STRBP: variants seen among roughly 807,000 people sequenced by gnomAD.
The protein encoded by STRBP is spermatid perinuclear RNA-binding protein.
STRBP carries 13 observed loss-of-function variants against 80.1 expected under a neutral mutation model. The observed-to-expected ratio is 0.16, with a 90% CI of 0.11 to 0.26. The LOEUF (loss-of-function observed/expected upper bound fraction) is 0.26. Ranked by LOEUF, STRBP falls within the 10% of genes least tolerant of loss-of-function variation. The pLI is 1.00. For synonymous variants in STRBP, 284 were observed against 291.2 expected, an observed-to-expected ratio of 0.98 and a Z score of 0.25; for missense variants, 485 against 815.2, an observed-to-expected ratio of 0.59 and a Z score of 4.93.
intron 3 of STRBP, among the ~76,000 whole-genome samples, chr9:123,180,514 T>G (rs1211906444): frequency 6.6e-6 from 1 of 152,146 alleles, no homozygotes; most frequent in Non-Finnish European, 1.5e-5. Flanking sequence ...CAGGATTGAT[T>G]TACTTAAATC....
intron 2 of STRBP, among the ~76,000 whole-genome samples, chr9:123,211,504 A>C (rs77278746): frequency 6.6e-6 from 1 of 152,072 alleles, no homozygotes; most frequent in African/African-American, 2.4e-5. Context: ...TTTTTCCCCA[A>C]TGGTGGATAA....
At chr9:123,212,597 C>T (rs1356961462) in intron 2 of STRBP, 1 of 152,152 alleles carries the variant, frequency 6.6e-6, no homozygotes, top group African/African-American at 2.4e-5. Context: ...GTCAAACATT[C>T]CCAGATGTCC....
intron 2 of STRBP, among the ~76,000 whole-genome samples, chr9:123,235,770 T>C (rs749980004): frequency 1.3e-5 from 2 of 152,094 alleles, no homozygotes; most frequent in Non-Finnish European, 2.9e-5. Flanking sequence ...GTTATTTCTA[T>C]CTATTAAAAT....
At position 123,115,159 on chromosome 9, in the gene STRBP, G is replaced by A. The variant is rs768045991; in HGVS notation, c.*84+770C>T. ...CCACTTGACTCTGCTCATCCTCTCGGGTCCCACAGCAAGGCCCTTCACACT... is the reference window on the plus strand; with the variant it reads ...CCACTTGACTCTGCTCATCCTCTCGAGTCCCACAGCAAGGCCCTTCACACT... On this transcript the variant is annotated intron_variant and NMD_transcript_variant, in intron 3 of 3. Coordinates refer to the STRBP transcript ENST00000471564. This position sits in a 1 kb window ranked among gnomAD's most constrained non-coding sequence, Gnocchi z 5.0. 5 of 465,718 alleles carry A rather than the reference G, an allele frequency of 1.1e-5. No homozygotes were observed. The highest frequency in any genetic ancestry group is 7.8e-5 in the South Asian group (5 of 64,112). The allele number at this position is 465,718 out of a possible 1,614,324, so 28.8% of individuals were successfully genotyped here. A position where few individuals can be genotyped will look rare whatever the true frequency, so the allele number is the denominator to read the frequency against.
intron 2 of STRBP, among the ~76,000 whole-genome samples, chr9:123,212,240 C>T (rs1454868221): frequency 6.6e-6 from 1 of 152,008 alleles, no homozygotes; most frequent in African/African-American, 2.4e-5. Flanking sequence ...TTTCAATTAC[C>T]GCATTTTGTC....
intron 3 of STRBP, chr9:123,113,281 ACACCCCTGAGCCTGGCCCTC>A (rs1281931488): frequency 1.2e-5 from 2 of 167,340 alleles, no homozygotes; most frequent in East Asian, 3.8e-4. Flanking sequence ...AATCCAGTCC[ACACCCCTGAGCCTGGCCCTC>A]CTGGTCCTTT....
intron 2 of STRBP, among the ~76,000 whole-genome samples, chr9:123,204,923 CAA>C (rs34576355): frequency 8.8e-4 from 48 of 54,560 alleles, no homozygotes; most frequent in African/African-American, 2.0e-3. Context: ...GACTCCATCT[CAA>C]AAAAAAAAAA....
At position 123,161,010 on chromosome 9, in the gene STRBP, G is replaced by A. The variant is rs571271801; in HGVS notation, c.594C>T (p.Ala198=). The part of the protein sequence containing the change: ...DLLDRQKCLN[A]LASLRHAKWF... ...ATTTGGCATGTCGAAGAGACGCCAA[G>A]GCGTTCAGGCATTTCTGCCTGTCCA... is the stretch of plus-strand genomic sequence containing the variant. The change falls in exon 7 of 19, where the codon GCC becomes GCT. Residue 198 remains alanine, a synonymous_variant. Coordinates refer to ENST00000348403, the MANE Select transcript of STRBP (RefSeq NM_018387.5). 1.3e-6 allele frequency: 2 copies of A among 1,591,180 alleles called. No homozygotes were observed. Among genetic ancestry groups the A allele is most frequent in the Non-Finnish European group, 1.7e-6 (2 of 1,173,934 alleles).
At chr9:123,254,878 CTT>C (rs2040995497) in intron 1 of STRBP, among the ~76,000 whole-genome samples, 1 of 152,112 alleles carries the variant, frequency 6.6e-6, no homozygotes, top group South Asian at 2.1e-4. Flanking sequence ...AGAAAAAAGA[CTT>C]AATAAAGAGA....
intron 1 of STRBP, among the ~76,000 whole-genome samples, chr9:123,237,896 G>C (rs1319165381): frequency 6.6e-6 from 1 of 152,194 alleles, no homozygotes; most frequent in Non-Finnish European, 1.5e-5. Context: ...TGTTACCTCA[G>C]GGGAGTGTTA....
intron 2 of STRBP, among the ~76,000 whole-genome samples, chr9:123,223,401 G>A (rs1260191320): frequency 2.0e-5 from 3 of 151,992 alleles, no homozygotes; most frequent in South Asian, 2.1e-4. Flanking sequence ...TTTAGCAAAC[G>A]TGCCAACAGT....
chr9:123,162,357 T>C (rs2037558195), intron 6 of STRBP, among the ~76,000 whole-genome samples: 4 of 152,040 alleles, frequency 2.6e-5, no homozygotes, highest in African/African-American at 9.7e-5. Context: ...CCTGAGTAGC[T>C]GGGACTACAG....
chr9:123,151,627 C>A (rs2037060465), intron 11 of STRBP, among the ~76,000 whole-genome samples: 1 of 152,074 alleles, frequency 6.6e-6, no homozygotes, highest in African/African-American at 2.4e-5. Flanking sequence ...TAAAAAATAG[C>A]TTTAACTAAA....
intron 4 of STRBP, among the ~76,000 whole-genome samples, chr9:123,174,561 G>A (rs759952566): frequency 3.3e-5 from 5 of 152,196 alleles, no homozygotes; most frequent in Non-Finnish European, 1.5e-5. Context: ...GATTCTACTC[G>A]TAGTGCCTGC....
chr9:123,164,218 G>T (rs2037654475), intron 6 of STRBP, among the ~76,000 whole-genome samples: 1 of 151,876 alleles, frequency 6.6e-6, no homozygotes, highest in African/African-American at 2.4e-5. Flanking sequence ...GCTAATTTTT[G>T]TTATTTTTAG....
intron 1 of STRBP, among the ~76,000 whole-genome samples, chr9:123,264,487 A>T (rs2041226910): frequency 6.6e-6 from 1 of 152,258 alleles, no homozygotes; most frequent in South Asian, 2.1e-4. Flanking sequence ...GACCAGTCTA[A>T]AAACCACAGG....
intron 2 of STRBP, among the ~76,000 whole-genome samples, chr9:123,214,621 G>A (rs1200097475): frequency 6.6e-6 from 1 of 152,116 alleles, no homozygotes; most frequent in Non-Finnish European, 1.5e-5. Context: ...TCCCTCTCTT[G>A]AAAGAGTCAG....
chr9:123,127,287 C>A (rs1033616693), intron 18 of STRBP, among the ~76,000 whole-genome samples: 2 of 152,196 alleles, frequency 1.3e-5, no homozygotes, highest in African/African-American at 4.8e-5. Context: ...AGAAAATGCA[C>A]AATGCGAAGG....
rs765390096 is a variant in STRBP at position 123,198,561 on chromosome 9, TTACTC to T, written c.-164-14268_-164-14264del. Among the ~76,000 whole-genome samples, 11 of 152,340 alleles carry T rather than the reference TTACTC, an allele frequency of 7.2e-5. No individual in the cohort carries two copies. The South Asian group carries it at 8.3e-4, about 11-fold the overall frequency. On this transcript the variant is annotated intron_variant, in intron 2 of 18. Transcript: ENST00000348403. ...TTCACCTATTGTGTGGGTTGCCTGT[TTACTC>T]TATTATTTCTTTTGCAGAAGCTTTT...
Sources: gnomAD v4.1 joint callset for allele counts (sites outside exome capture counted in the v4.1 genomes callset) on GRCh38, gnomAD v4.1.1 for gene constraint, Gnocchi (gnomAD v3.1) non-coding constraint, MANE v1.5 for transcripts, NCBI Gene and HGNC (gene_info 2026-07-23, HGNC 2026-07-21) for gene names.